Variants in CAMK4 observed in about 807,000 individuals in gnomAD.
CAMK4 encodes calcium/calmodulin-dependent protein kinase type IV.
A neutral mutation model predicts 44.9 loss-of-function variants in CAMK4; 22 were observed. The observed-to-expected ratio is 0.49, with a 90% CI of 0.35 to 0.70. The LOEUF (loss-of-function observed/expected upper bound fraction) is 0.70, where lower values mean the gene tolerates loss of function less well. Among genes scored for constraint, CAMK4 ranks in the 30% least tolerant of loss-of-function variants. CAMK4 has a pLI of 0.01. For synonymous variants in CAMK4, 218 were observed against 215.4 expected (o/e 1.01, Z -0.11); for missense variants, 498 against 586.8 (o/e 0.85, Z 1.56).
At chr5:111,435,732 T>G (rs1349722171) in intron 5 of CAMK4, among the ~76,000 whole-genome samples, 1 of 152,312 alleles carries the variant, frequency 6.6e-6, no homozygotes, top group East Asian at 1.9e-4. Flanking sequence ...TTCCCAAGCT[T>G]TGAAGTTTTT....
At chr5:111,439,802 G>A (rs919734441) in intron 5 of CAMK4, among the ~76,000 whole-genome samples, 1 of 152,146 alleles carries the variant, frequency 6.6e-6, no homozygotes, top group Non-Finnish European at 1.5e-5. Flanking sequence ...AGCCAGGGAA[G>A]GAGGCTGAAA....
chr5:111,248,441 A>T (rs1482967762), intron 1 of CAMK4, among the ~76,000 whole-genome samples: 1 of 152,080 alleles, frequency 6.6e-6, no homozygotes, highest in Admixed American at 6.6e-5. Flanking sequence ...GCCTCATCTT[A>T]GCACTTACTT....
intron 1 of CAMK4, among the ~76,000 whole-genome samples, chr5:111,320,374 GGA>G (rs1748609877): frequency 1.3e-5 from 2 of 152,120 alleles, no homozygotes; most frequent in Non-Finnish European, 2.9e-5. Context: ...CTAGAGACCT[GGA>G]GCCTATTTAA....
rs1755479576 is a variant in CAMK4, at chr5:111,482,837, C to T, written c.881C>T (p.Ala294Val). 3 of 1,612,156 alleles carry T rather than the reference C, an allele frequency of 1.9e-6. No individual in the cohort carries two copies. Among genetic ancestry groups the T allele is most frequent in the South Asian group, 1.1e-5 (1 of 90,664 alleles). Residue 294 changes from alanine to valine, a missense_variant, in exon 10 of 11, where the codon GCT becomes GTT. Ala to Val is a moderately conservative substitution (Grantham distance 64). Coordinates refer to ENST00000282356, the MANE Select transcript of CAMK4 (RefSeq NM_001744.6). This position sits in a 1 kb window ranked among gnomAD's most constrained non-coding sequence, Gnocchi z 4.9. ...DPKKRLTTFQ[A>V]LQHPWVTGKA... ...AAGAAACGGCTGACTACATTTCAAG[C>T]TCTCCAGCATCCGTGGGTCACAGGT...
At position 111,482,569 on chromosome 5, in the gene CAMK4, G is replaced by A. The variant is rs561900871; in HGVS notation, c.829-216G>A. On this transcript the variant is annotated intron_variant, in intron 9 of 10. Transcript: ENST00000282356. The surrounding 1 kb of genome is among the most constrained non-coding windows in gnomAD (Gnocchi z 4.9). ...GCCGTCTGCCACTTTGGGGGTCTCA[G>A]GTGGTACATGGCCCTGTCTTCTCAT... 4.5e-5 allele frequency: 16 copies of A among 356,802 alleles called. No individual in the cohort carries two copies. In the South Asian group the frequency reaches 1.8e-3, roughly 40 times the overall value. The allele number at this position is 356,802 out of a possible 1,614,324, so 22.1% of individuals were successfully genotyped here.
In CAMK4 at chr5:111,314,024, C is replaced by G. The variant is rs560029962; in HGVS notation, c.162-30000C>G. On this transcript the variant is annotated intron_variant, in intron 1 of 10. Transcript: ENST00000282356. Reference sequence around the variant, plus strand: ...AGTATTCTTAAGTGTGTGTCTTTTTCTCTGTTAGGACAATTTTGTTTTTCT... The same window carrying G: ...AGTATTCTTAAGTGTGTGTCTTTTTGTCTGTTAGGACAATTTTGTTTTTCT... 3.9e-5 allele frequency among the ~76,000 whole-genome samples: 6 copies of G among 152,100 alleles called. No homozygotes were observed. The East Asian group carries it at 5.8e-4, about 15-fold the overall frequency.
At chr5:111,323,283 T>TA (rs765460760) in intron 1 of CAMK4, among the ~76,000 whole-genome samples, 8 of 152,148 alleles carry the variant, frequency 5.3e-5, no homozygotes, top group South Asian at 4.1e-4. Context: ...GTCCTATACT[T>TA]ACGATTTTTT....
At chr5:111,234,966 T>A (rs1346586885) in intron 1 of CAMK4, among the ~76,000 whole-genome samples, 1 of 152,164 alleles carries the variant, frequency 6.6e-6, no homozygotes, top group Non-Finnish European at 1.5e-5. Context: ...AGATAACAGA[T>A]CTATAATTGT....
At chr5:111,284,576 C>T (rs1307938359) in intron 1 of CAMK4, among the ~76,000 whole-genome samples, 4 of 152,174 alleles carry the variant, frequency 2.6e-5, no homozygotes, top group African/African-American at 7.2e-5. Context: ...CTTGCTCTAC[C>T]TCCCCACCTC....
intron 1 of CAMK4, among the ~76,000 whole-genome samples, chr5:111,336,091 A>G (rs998789010): frequency 1.3e-5 from 2 of 151,340 alleles, no homozygotes; most frequent in African/African-American, 4.8e-5. Context: ...TTTCTCATCA[A>G]ATTCATGGCA....
At chr5:111,267,174 A>ATT (rs1750285943) in intron 1 of CAMK4, among the ~76,000 whole-genome samples, 1 of 151,904 alleles carries the variant, frequency 6.6e-6, no homozygotes, top group Non-Finnish European at 1.5e-5. Context: ...TTGTCTGTAC[A>ATT]TTTTCTGCCC....
At chr5:111,250,439 T>C (rs769611271) in intron 1 of CAMK4, among the ~76,000 whole-genome samples, 10 of 152,172 alleles carry the variant, frequency 6.6e-5, no homozygotes, top group African/African-American at 1.2e-4. Flanking sequence ...AGGACCCAAA[T>C]TGGGGACTTT....
intron 1 of CAMK4, among the ~76,000 whole-genome samples, chr5:111,241,176 C>T (rs1748974228): frequency 1.3e-5 from 2 of 151,222 alleles, no homozygotes; most frequent in Admixed American, 6.6e-5. Context: ...TTGAATTTCA[C>T]CAGCTTTTCT....
At chr5:111,369,069 ATT>A in intron 2 of CAMK4, among the ~76,000 whole-genome samples, 3 of 149,314 alleles carry the variant, frequency 2.0e-5, no homozygotes, top group East Asian at 2.0e-4. Context: ...AATAATAATT[ATT>A]ATTATTATTA....
intron 5 of CAMK4, among the ~76,000 whole-genome samples, chr5:111,421,283 T>C (rs955499087): frequency 6.6e-6 from 1 of 152,204 alleles, no homozygotes; most frequent in African/African-American, 2.4e-5. Flanking sequence ...GTTAACCTGA[T>C]TTTCTGGTTT....
intron 2 of CAMK4, among the ~76,000 whole-genome samples, chr5:111,353,123 C>G (rs1352359722): frequency 1.3e-5 from 2 of 151,994 alleles, no homozygotes; most frequent in African/African-American, 4.8e-5. Flanking sequence ...TACCTAAATA[C>G]AGAATCTGAA....
intron 1 of CAMK4, among the ~76,000 whole-genome samples, chr5:111,319,776 A>G (rs1357522200): frequency 6.6e-6 from 1 of 152,206 alleles, no homozygotes; most frequent in Non-Finnish European, 1.5e-5. Context: ...GAATGCTAGT[A>G]CTACATTTCT....
At chr5:111,273,601 C>A (rs569483824) in intron 1 of CAMK4, among the ~76,000 whole-genome samples, 1 of 148,120 alleles carries the variant, frequency 6.8e-6, no homozygotes, top group Non-Finnish European at 1.5e-5. Context: ...GACTGCTTTT[C>A]TCTGTCCCAG....
At chr5:111,420,500 G>A (rs572939463) in intron 5 of CAMK4, among the ~76,000 whole-genome samples, 1 of 152,248 alleles carries the variant, frequency 6.6e-6, no homozygotes, top group African/African-American at 2.4e-5. Context: ...GTGAGAGAGG[G>A]CATCCCTGGG....
Sources: allele counts gnomAD v4.1 joint callset (sites outside exome capture counted in the v4.1 genomes callset), GRCh38; gene constraint gnomAD v4.1.1; non-coding constraint Gnocchi (gnomAD v3.1); transcripts MANE v1.5; gene names NCBI Gene and HGNC (gene_info 2026-07-23, HGNC 2026-07-21).